Variants in PRDM9 observed in about 807,000 individuals in gnomAD.
PRDM9 encodes PR/SET domain 9, also known as histone-lysine N-methyltransferase PRDM9.
Under a neutral mutation model 55.6 loss-of-function variants are expected in PRDM9, and 47 were observed. That is an observed-to-expected ratio of 0.85 (90% CI 0.67 to 1.08). The LOEUF is 1.08. Among genes scored for constraint, PRDM9 ranks in the 50% least tolerant of loss-of-function variants. PRDM9 has a pLI of 0.00. For missense variants in PRDM9, 867 were observed against 1,040.3 expected (o/e 0.83, Z 2.29); for synonymous variants, 312 against 375.7 (o/e 0.83, Z 1.96).
chr5:23,519,406 T>C (rs936768424), intron 5 of PRDM9, among the ~76,000 whole-genome samples: 2 of 151,534 alleles, frequency 1.3e-5, no homozygotes, highest in Non-Finnish European at 2.9e-5. Context: ...TTCACTCTTG[T>C]CACCCAGGCT....
chr5:23,525,902 A>T (rs1008272548), intron 10 of PRDM9, among the ~76,000 whole-genome samples: 17 of 152,136 alleles, frequency 1.1e-4, no homozygotes, highest in African/African-American at 4.1e-4. Flanking sequence ...GGAAGGCTTT[A>T]TAGGACTTGG....
chr5:23,522,665 C>T lies in PRDM9; in HGVS notation c.662C>T (p.Pro221Leu), dbSNP rs1253043791. The T allele has an allele frequency of 2.5e-6, 4 of 1,614,186 alleles. No individual in the cohort carries two copies. Among genetic ancestry groups the T allele is most frequent in the Non-Finnish European group, 3.4e-6 (4 of 1,180,028 alleles). ...FFIDSCAAHGPPTFVKDSAVD... is the reference protein window; with the variant it reads ...FFIDSCAAHGLPTFVKDSAVD... Reference sequence around the variant, plus strand: ...ATTGACAGCTGTGCTGCCCATGGGCCCCCTACATTTGTAAAGGACAGTGCA... The same window carrying T: ...ATTGACAGCTGTGCTGCCCATGGGCTCCCTACATTTGTAAAGGACAGTGCA... The change falls in exon 8 of 11, where the codon CCC becomes CTC. Residue 221 changes from proline (P) to leucine (L), a missense_variant. This residue lies in a region of PRDM9 where 662 missense variants were observed against 711.9 expected (regional missense o/e 0.93). Coordinates refer to ENST00000296682, the MANE Select transcript of PRDM9 (RefSeq NM_020227.4).
chr5:23,512,216 C>T (rs115020568), intron 4 of PRDM9, among the ~76,000 whole-genome samples: 6,482 of 152,122 alleles, frequency 0.043, 184 homozygotes, highest in Non-Finnish European at 0.065. Flanking sequence ...GATTCTGGAG[C>T]GGGTTTGAGA....
intron 4 of PRDM9, among the ~76,000 whole-genome samples, chr5:23,512,344 T>C (rs1468737566): frequency 2.0e-5 from 3 of 152,132 alleles, no homozygotes; most frequent in Non-Finnish European, 4.4e-5. Flanking sequence ...CCTCTTCTAC[T>C]GCTTGGTTAG....
chr5:23,513,280 G>A (rs1264333791), intron 4 of PRDM9, among the ~76,000 whole-genome samples: 1 of 152,132 alleles, frequency 6.6e-6, no homozygotes, highest in Non-Finnish European at 1.5e-5. Flanking sequence ...TCATGTATTG[G>A]AAACTTAATT....
At chr5:23,526,082 T>C (rs1369460878) in intron 10 of PRDM9, 151 bp from the exon 11 acceptor site, 3 of 868,052 alleles carry the variant, frequency 3.5e-6, no homozygotes, top group Non-Finnish European at 5.6e-6. Context: ...AATGGAAAAA[T>C]GGACTGTAAA....
intron 6 of PRDM9, 69 bp downstream of exon 6, chr5:23,521,248 A>C: frequency 1.9e-6 from 3 of 1,583,368 alleles, no homozygotes; most frequent in Non-Finnish European, 2.6e-6. Flanking sequence ...AGTATGGTCT[A>C]CCTATGTGGG....
At position 23,527,280 on chromosome 5, in the gene PRDM9, A is replaced by G. The variant is rs1479746911; in HGVS notation, c.2192A>G (p.Asn731Ser). The G allele has an allele frequency of 6.6e-7, 1 of 1,506,640 alleles. No individual in the cohort carries two copies. Among genetic ancestry groups the G allele is most frequent in the Non-Finnish European group, 8.9e-7 (1 of 1,122,692 alleles). 93.3% of individuals were successfully genotyped at this position (1,506,640 alleles called of 1,614,324 possible). A position where few individuals can be genotyped will look rare whatever the true frequency, so the allele number is the denominator to read the frequency against. ...AGGGAGTGTGGGCGGGGCTTTAGCA[A>G]TAAGTCACACCTCCTCAGACACCAG... ...VCRECGRGFSNKSHLLRHQRT... is the reference protein window; with the variant it reads ...VCRECGRGFSSKSHLLRHQRT... The change falls in exon 11 of 11, where the codon AAT becomes AGT. Residue 731 changes from asparagine to serine, a missense_variant. Transcript: ENST00000296682.
intron 5 of PRDM9, among the ~76,000 whole-genome samples, chr5:23,519,498 A>T (rs1406485494): frequency 1.3e-5 from 2 of 151,808 alleles, no homozygotes; most frequent in Non-Finnish European, 2.9e-5. Context: ...CCTCCCAAGT[A>T]GCTGGGATTA....
chr5:23,509,702 T>A (rs1739052623), intron 3 of PRDM9, 109 bp downstream of exon 3: 2 of 1,578,488 alleles, frequency 1.3e-6, no homozygotes, highest in South Asian at 2.2e-5. Flanking sequence ...ATTCCCTTTT[T>A]CATGTAGACA....
intron 9 of PRDM9, among the ~76,000 whole-genome samples, chr5:23,523,632 A>G (rs1247102022): frequency 1.3e-5 from 2 of 152,216 alleles, no homozygotes; most frequent in African/African-American, 4.8e-5. Context: ...GGGACTCTGA[A>G]TTCATGCTTT....
chr5:23,509,793 C>T, intron 3 of PRDM9, 127 bp from the exon 4 acceptor site: 1 of 1,350,988 alleles, frequency 7.4e-7, no homozygotes, highest in Non-Finnish European at 1.0e-6. Flanking sequence ...ACATCTTGAC[C>T]TTGTTCAAGA....
chr5:23,517,825 C>G (rs1440705015), intron 4 of PRDM9, 56 bp from the exon 5 acceptor site: 29 of 1,418,392 alleles, frequency 2.0e-5, no homozygotes, highest in Non-Finnish European at 2.8e-5. Flanking sequence ...AAGAGAGAAT[C>G]TCTAGTGTTT....
At chr5:23,509,637 A>G (rs777366434) in intron 3 of PRDM9, 44 bp downstream of exon 3, 1 of 1,613,742 alleles carries the variant, frequency 6.2e-7, no homozygotes, top group African/African-American at 1.3e-5. Context: ...GAGACATAAA[A>G]CAGGTCTTTG....
Position 23,507,668 on chromosome 5 carries a change from T to C in PRDM9, c.-129T>C, listed in dbSNP as rs2914282. On this transcript the variant is annotated 5_prime_UTR_variant, in exon 1 of 11. Coordinates refer to ENST00000296682, the MANE Select transcript of PRDM9 (RefSeq NM_020227.4). ...CGCCGCGGCAGGAGAGCACGGGAGA[T>C]TGTGAAGAGCATGGGGAGCCTTTGT... 0.96 allele frequency: 145,897 copies of C among 152,394 alleles called. 69,921 individuals are homozygous for C. Among genetic ancestry groups the C allele is most frequent in the Admixed American group, 0.98 (14,994 of 15,296 alleles). 9.4% of individuals were successfully genotyped at this position (152,394 alleles called of 1,614,324 possible).
At chr5:23,513,633 G>T in intron 4 of PRDM9, among the ~76,000 whole-genome samples, 1 of 151,996 alleles carries the variant, frequency 6.6e-6, no homozygotes, top group East Asian at 1.9e-4. Flanking sequence ...TGTAATCCTA[G>T]CACTTTGGTA....
intron 4 of PRDM9, among the ~76,000 whole-genome samples, chr5:23,512,433 A>G (rs903889395): frequency 2.6e-5 from 4 of 152,104 alleles, no homozygotes; most frequent in African/African-American, 9.7e-5. Flanking sequence ...TTCCCCATCT[A>G]TGGATTTTAG....
At position 23,507,654 on chromosome 5, in the gene PRDM9, G is replaced by A. The variant is rs1739009968; in HGVS notation, c.-143G>A. On this transcript the variant is annotated 5_prime_UTR_variant, in exon 1 of 11. Coordinates refer to ENST00000296682, the MANE Select transcript of PRDM9 (RefSeq NM_020227.4). ...CCGGCCAGGGTGAACGCCGCGGCAG[G>A]AGAGCACGGGAGATTGTGAAGAGCA... The A allele has an allele frequency of 1.3e-5, 2 of 152,538 alleles. No individual in the cohort carries two copies. The highest frequency in any genetic ancestry group is 1.9e-4 in the East Asian group (1 of 5,174). The allele number at this position is 152,538 out of a possible 1,614,324, so 9.4% of individuals were successfully genotyped here.
chr5:23,526,727 A>G lies in PRDM9; in HGVS notation c.1639A>G (p.Thr547Ala), dbSNP rs1459156923. 1.9e-6 allele frequency: 3 copies of G among 1,613,788 alleles called. No individual in the cohort carries two copies. The highest frequency in any genetic ancestry group is 2.2e-5 in the East Asian group (1 of 44,884). ...SDVITHQRTHTGEKLYVCREC... is the reference protein window; with the variant it reads ...SDVITHQRTHAGEKLYVCREC... The stretch of plus-strand genomic sequence containing the variant: ...TGTTATTACACACCAAAGGACACAT[A>G]CAGGGGAGAAGCTCTACGTCTGCAG... Residue 547 changes from threonine to alanine, a missense_variant, in exon 11 of 11, where the codon ACA (threonine) becomes GCA (alanine). Thr to Ala is a moderately conservative substitution (Grantham distance 58). Transcript: ENST00000296682.
Sources: gnomAD v4.1 joint callset for allele counts (sites outside exome capture counted in the v4.1 genomes callset) on GRCh38, gnomAD v4.1.1 for gene constraint, gnomAD v4.1.1 regional missense constraint, MANE v1.5 for transcripts, NCBI Gene and HGNC (gene_info 2026-07-23, HGNC 2026-07-21) for gene names.